Variants in COL22A1 observed in about 807,000 individuals in gnomAD.
COL22A1 encodes the protein collagen type XXII alpha 1 chain.
A neutral mutation model predicts 248.9 loss-of-function variants in COL22A1; 221 were observed. The observed-to-expected ratio is 0.89, with a 90% CI of 0.80 to 0.99. COL22A1 has a LOEUF of 0.99. COL22A1 is among the 50% of genes least tolerant of loss of function. The pLI is 0.00. For synonymous variants in COL22A1, 891 were observed against 793.4 expected (o/e 1.12, Z -2.07); for missense variants, 2,240 against 2,179.0 (o/e 1.03, Z -0.56).
chr8:138,692,462 CATGT>C (rs1439727393), intron 35 of COL22A1, among the ~76,000 whole-genome samples: 670 of 46,264 alleles, frequency 0.014, 7 homozygotes, highest in East Asian at 0.039. Context: ...TGTGTGAGTG[CATGT>C]GTGTGTGTGT....
chr8:138,912,598 G>A (rs1194956710), intron 1 of COL22A1, among the ~76,000 whole-genome samples: 3 of 152,114 alleles, frequency 2.0e-5, no homozygotes, highest in Admixed American at 6.5e-5. Flanking sequence ...AAATTAGCCG[G>A]GCATGGTAGC....
intron 10 of COL22A1, among the ~76,000 whole-genome samples, chr8:138,804,791 GGTGTGT>G (rs375153666): frequency 1.5e-4 from 18 of 122,290 alleles, no homozygotes; most frequent in African/African-American, 6.4e-4. Flanking sequence ...AGGTGCGTGT[GGTGTGT>G]GTGTGTGTGA....
chr8:138,862,176 C>G (rs1025035589), intron 3 of COL22A1, among the ~76,000 whole-genome samples: 2 of 152,054 alleles, frequency 1.3e-5, no homozygotes, highest in African/African-American at 4.8e-5. Flanking sequence ...CGAGATAGCA[C>G]CACCACACTC....
chr8:138,639,678 A>G (rs771228275), intron 47 of COL22A1, among the ~76,000 whole-genome samples: 8 of 152,188 alleles, frequency 5.3e-5, no homozygotes, highest in Non-Finnish European at 7.3e-5. Flanking sequence ...AAAGGTATGC[A>G]AATACTTTTA....
chr8:138,616,416 T>C (rs1819326416), intron 54 of COL22A1, among the ~76,000 whole-genome samples: 1 of 152,196 alleles, frequency 6.6e-6, no homozygotes. Flanking sequence ...ATGCAAGGGA[T>C]CTAACCAGCT....
chr8:138,691,802 GTA>G (rs1410706837), intron 35 of COL22A1, among the ~76,000 whole-genome samples: 1 of 147,008 alleles, frequency 6.8e-6, no homozygotes, highest in Non-Finnish European at 1.5e-5. Context: ...GTGTGTGTGT[GTA>G]CGTGTGTGTG....
At chr8:138,872,849 C>T (rs1011790709) in intron 3 of COL22A1, among the ~76,000 whole-genome samples, 1 of 152,196 alleles carries the variant, frequency 6.6e-6, no homozygotes, top group Non-Finnish European at 1.5e-5. Flanking sequence ...GCCTGAAATG[C>T]GTCTGTAATA....
chr8:138,619,492 G>C lies in COL22A1; in HGVS notation c.3788C>G (p.Pro1263Arg), dbSNP rs921452236. ...PPGEPGKAGE[P>R]GLPGPEGARG... Reference sequence around the variant, plus strand: ...GGCACCCTCTGGTCCTGGTAGACCTGGCTCTCCTGCTTTGCCCTGAGAGTA... The same window carrying C: ...GGCACCCTCTGGTCCTGGTAGACCTCGCTCTCCTGCTTTGCCCTGAGAGTA... Residue 1263 changes from proline (P) to arginine (R), a missense_variant, in exon 53 of 65, where the codon CCA becomes CGA. By Grantham distance (103) the Pro-to-Arg change is moderately radical. Transcript: ENST00000303045. 6.2e-7 allele frequency: 1 copy of C among 1,613,992 alleles called. No homozygotes were observed. Among genetic ancestry groups the C allele is most frequent in the Non-Finnish European group, 8.5e-7 (1 of 1,179,978 alleles).
intron 40 of COL22A1, among the ~76,000 whole-genome samples, chr8:138,678,498 G>A (rs1400064672): frequency 6.6e-6 from 1 of 152,042 alleles, no homozygotes. Context: ...TGATATGAAT[G>A]GTTCTTGGAA....
At chr8:138,713,414 A>C (rs1436771503) in intron 30 of COL22A1, among the ~76,000 whole-genome samples, 2 of 152,208 alleles carry the variant, frequency 1.3e-5, no homozygotes, top group East Asian at 1.9e-4. Flanking sequence ...CACCAGAGTG[A>C]GCAACGGAAA....
chr8:138,686,006 A>G (rs1396158137), intron 37 of COL22A1, among the ~76,000 whole-genome samples: 2 of 152,090 alleles, frequency 1.3e-5, no homozygotes, highest in African/African-American at 2.4e-5. Context: ...CGGAGACCTC[A>G]CTACCACTCC....
At chr8:138,656,069 G>T (rs1823232533) in intron 44 of COL22A1, 125 bp from the exon 45 acceptor site, 1 of 757,744 alleles carries the variant, frequency 1.3e-6, no homozygotes. Context: ...CCGTGCGTGG[G>T]ATACGGACAG....
intron 16 of COL22A1, among the ~76,000 whole-genome samples, chr8:138,771,794 G>A (rs1217497056): frequency 2.0e-5 from 3 of 152,186 alleles, no homozygotes; most frequent in South Asian, 4.1e-4. Context: ...GTGAGAAAAC[G>A]GAGGCTCCAG....
At chr8:138,880,260 T>C (rs187592048) in intron 2 of COL22A1, among the ~76,000 whole-genome samples, 100 of 152,328 alleles carry the variant, frequency 6.6e-4, no homozygotes, top group African/African-American at 2.2e-3. Context: ...ATGGATACAC[T>C]TTTCCAATAT....
At chr8:138,764,084 CGTTT>C (rs1180341927) in intron 16 of COL22A1, among the ~76,000 whole-genome samples, 6 of 152,132 alleles carry the variant, frequency 3.9e-5, no homozygotes, top group Admixed American at 3.9e-4. Flanking sequence ...CTGCTTTTTC[CGTTT>C]GAGGTTGGTT....
intron 47 of COL22A1, among the ~76,000 whole-genome samples, chr8:138,639,506 A>G (rs1821478555): frequency 6.6e-6 from 1 of 152,214 alleles, no homozygotes; most frequent in African/African-American, 2.4e-5. Context: ...CTGGGCATTC[A>G]TATTTAGTCC....
At chr8:138,859,857 T>C (rs1822320959) in intron 3 of COL22A1, among the ~76,000 whole-genome samples, 1 of 151,396 alleles carries the variant, frequency 6.6e-6, no homozygotes, top group Non-Finnish European at 1.5e-5. Context: ...ACACCTGCCA[T>C]GCCCATCCCC....
At chr8:138,619,263 T>C (rs1819568452) in intron 53 of COL22A1, among the ~76,000 whole-genome samples, 192 bp downstream of exon 53, 1 of 152,214 alleles carries the variant, frequency 6.6e-6, no homozygotes, top group Admixed American at 6.5e-5. Context: ...ATGGCTGCAA[T>C]TGTGAAAATG....
chr8:138,611,860 CT>C (rs1232944632), intron 56 of COL22A1, among the ~76,000 whole-genome samples: 1 of 152,242 alleles, frequency 6.6e-6, no homozygotes, highest in Non-Finnish European at 1.5e-5. Context: ...AAAGCCCATG[CT>C]TGTCCACAGT....
Sources: gnomAD v4.1 joint callset for allele counts (sites outside exome capture counted in the v4.1 genomes callset) on GRCh38, gnomAD v4.1.1 for gene constraint, MANE v1.5 for transcripts, NCBI Gene and HGNC (gene_info 2026-07-23, HGNC 2026-07-21) for gene names.